The following MAPKAP1 variants were observed in gnomAD, a reference collection of about 807,000 sequenced individuals.
The protein encoded by MAPKAP1 is target of rapamycin complex 2 subunit MAPKAP1.
MAPKAP1 carries 20 observed loss-of-function variants against 65.7 expected under a neutral mutation model. The ratio of observed to expected loss-of-function variants is 0.30; its 90% confidence interval spans 0.21 to 0.44. The LOEUF (loss-of-function observed/expected upper bound fraction) is 0.44, where lower values mean the gene tolerates loss of function less well. Ranked by LOEUF, MAPKAP1 falls within the 20% of genes least tolerant of loss-of-function variation. The pLI, the probability that MAPKAP1 is intolerant of heterozygous loss-of-function variation, is 1.00. For synonymous variants in MAPKAP1, 222 were observed against 244.3 expected (o/e 0.91, Z 0.85); for missense variants, 423 against 648.0 (o/e 0.65, Z 3.77).
At chr9:125,489,893 T>A (rs1448351249) in intron 8 of MAPKAP1, among the ~76,000 whole-genome samples, 1 of 152,090 alleles carries the variant, frequency 6.6e-6, no homozygotes, top group Non-Finnish European at 1.5e-5. Context: ...CAAGACTGGG[T>A]CAAAACCTTG....
At chr9:125,567,402 C>T (rs114887418) in intron 5 of MAPKAP1, among the ~76,000 whole-genome samples, 1 of 152,136 alleles carries the variant, frequency 6.6e-6, no homozygotes, top group African/African-American at 2.4e-5. Context: ...GCAACAAGAG[C>T]GACCTCTGGT....
intron 6 of MAPKAP1, among the ~76,000 whole-genome samples, chr9:125,557,729 AT>A (rs1202303843): frequency 6.6e-6 from 1 of 152,064 alleles, no homozygotes; most frequent in Non-Finnish European, 1.5e-5. Flanking sequence ...TATACTGCTT[AT>A]CACATTTTAA....
intron 6 of MAPKAP1, among the ~76,000 whole-genome samples, chr9:125,544,603 A>C (rs989820161): frequency 2.0e-5 from 3 of 152,228 alleles, no homozygotes; most frequent in African/African-American, 7.2e-5. Flanking sequence ...ACACTTGGGC[A>C]CTGGAACAAA....
At chr9:125,558,063 G>A (rs1026880553) in intron 6 of MAPKAP1, among the ~76,000 whole-genome samples, 14 of 152,040 alleles carry the variant, frequency 9.2e-5, no homozygotes. Context: ...CACCATGTTG[G>A]CCAAGCTGGT....
intron 4 of MAPKAP1, among the ~76,000 whole-genome samples, chr9:125,623,547 A>C (rs1286929719): frequency 1.4e-4 from 1 of 7,094 alleles, no homozygotes; most frequent in Non-Finnish European, 1.4e-3. Flanking sequence ...AAGTGAGGAG[A>C]CCCTCTGCCT....
In MAPKAP1 at chr9:125,484,555, C is replaced by T; in HGVS notation, c.1095G>A (p.Glu365=). Residue 365 remains glutamate (E), a synonymous_variant, in exon 9 of 12, where the codon GAG becomes GAA. Transcript: ENST00000265960. ...NSSRADGVFE[E]DSQIDIATVQ... is the part of the protein sequence containing the mutation. Reference sequence around the variant, plus strand: ...CTGTGGCTATGTCAATTTGCGAATCCTCCTCAAAAACCCCGTCTGCCCTTG... The same window carrying T: ...CTGTGGCTATGTCAATTTGCGAATCTTCCTCAAAAACCCCGTCTGCCCTTG... 6.2e-7 allele frequency: 1 copy of T among 1,611,138 alleles called. No individual in the cohort carries two copies. Among genetic ancestry groups the T allele is most frequent in the Non-Finnish European group, 8.5e-7 (1 of 1,178,646 alleles).
At chr9:125,525,634 T>C (rs560590844) in intron 7 of MAPKAP1, among the ~76,000 whole-genome samples, 51 of 151,672 alleles carry the variant, frequency 3.4e-4, no homozygotes, top group Admixed American at 2.0e-3. Context: ...GATTGCGCCA[T>C]TGCACTCCAG....
At chr9:125,609,024 C>T (rs60521030) in intron 4 of MAPKAP1, among the ~76,000 whole-genome samples, 2,987 of 152,188 alleles carry the variant, frequency 0.02, 162 homozygotes, top group East Asian at 0.15. Flanking sequence ...AAGAATTAGA[C>T]TGAGTCATAT....
At chr9:125,504,353 G>A (rs1266592217) in intron 8 of MAPKAP1, among the ~76,000 whole-genome samples, 1 of 152,186 alleles carries the variant, frequency 6.6e-6, no homozygotes, top group Non-Finnish European at 1.5e-5. Flanking sequence ...CTTATAACTG[G>A]TTGCAGACTG....
chr9:125,533,109 G>A (rs1290965534), intron 7 of MAPKAP1, among the ~76,000 whole-genome samples: 1 of 152,134 alleles, frequency 6.6e-6, no homozygotes, highest in African/African-American at 2.4e-5. Flanking sequence ...ACGCATACAC[G>A]CCTGCTTTGG....
At chr9:125,690,752 G>C (rs540877752) in intron 1 of MAPKAP1, among the ~76,000 whole-genome samples, 1 of 152,248 alleles carries the variant, frequency 6.6e-6, no homozygotes, top group East Asian at 1.9e-4. Context: ...ACACAGCATC[G>C]GACAAGGCAC....
chr9:125,573,235 C>T (rs937914857), intron 5 of MAPKAP1, among the ~76,000 whole-genome samples: 1 of 152,050 alleles, frequency 6.6e-6, no homozygotes, highest in Non-Finnish European at 1.5e-5. Flanking sequence ...GATGAGATAG[C>T]AGGTCAGCAC....
intron 6 of MAPKAP1, among the ~76,000 whole-genome samples, chr9:125,552,388 C>T (rs911599139): frequency 2.6e-5 from 4 of 152,160 alleles, no homozygotes; most frequent in Non-Finnish European, 5.9e-5. Context: ...GTTCCCTCCA[C>T]AGAATAATTT....
intron 10 of MAPKAP1, among the ~76,000 whole-genome samples, chr9:125,451,284 G>T (rs1187808831): frequency 1.3e-5 from 2 of 152,132 alleles, no homozygotes; most frequent in African/African-American, 2.4e-5. Context: ...TTCCCTGGAG[G>T]CACGGTCACC....
intron 8 of MAPKAP1, among the ~76,000 whole-genome samples, chr9:125,501,017 G>T (rs1180190475): frequency 6.6e-6 from 1 of 152,060 alleles, no homozygotes; most frequent in East Asian, 1.9e-4. Context: ...ACTATGGTAT[G>T]GTACTAGATA....
rs545510580 is a variant in MAPKAP1, at chr9:125,501,728, T to C, written c.1066+4582A>G. The stretch of plus-strand genomic sequence containing the variant: ...TTCAGGTTTTCTATTTCTTCCTGTG[T>C]CAATTTTGTTGTCTTTTTCTATAAA... On this transcript the variant is annotated intron_variant, in intron 8 of 11. Transcript: ENST00000265960. Among the ~76,000 whole-genome samples the C allele has an allele frequency of 7.9e-5, 12 of 152,294 alleles. No homozygotes were observed. The South Asian group carries it at 2.5e-3, about 32-fold the overall frequency.
intron 8 of MAPKAP1, among the ~76,000 whole-genome samples, chr9:125,488,944 C>T (rs1285836399): frequency 1.3e-5 from 2 of 152,140 alleles, no homozygotes; most frequent in African/African-American, 4.8e-5. Flanking sequence ...ATTTTTTGGA[C>T]CAGAAAAGTT....
intron 4 of MAPKAP1, among the ~76,000 whole-genome samples, chr9:125,613,192 C>G (rs1832652451): frequency 6.6e-6 from 1 of 152,132 alleles, no homozygotes; most frequent in Non-Finnish European, 1.5e-5. Context: ...GAAACGAAGT[C>G]CAACGCAGAC....
rs965564726 is a variant in MAPKAP1, at chr9:125,698,608, T to C, written c.-70+8363A>G. 3.3e-5 allele frequency among the ~76,000 whole-genome samples: 5 copies of C among 151,856 alleles called. No homozygotes were observed. In the South Asian group the frequency reaches 8.3e-4, roughly 25 times the overall value. ...CCACCTGCCTCAGCCTCCCAGAGTG[T>C]TGGGATTACAGGCATGAGCCACCGC... On this transcript the variant is annotated intron_variant, in intron 1 of 11. Coordinates refer to ENST00000265960, the MANE Select transcript of MAPKAP1 (RefSeq NM_001006617.3).
Sources: allele counts gnomAD v4.1 joint callset (sites outside exome capture counted in the v4.1 genomes callset), GRCh38; gene constraint gnomAD v4.1.1; transcripts MANE v1.5; gene names NCBI Gene and HGNC (gene_info 2026-07-23, HGNC 2026-07-21).